Variants in TPX2 observed in about 807,000 individuals in gnomAD.
TPX2 encodes the protein targeting protein for Xklp2.
Under a neutral mutation model 93.6 loss-of-function variants are expected in TPX2, and 21 were observed. That is an observed-to-expected ratio of 0.22 (90% CI 0.16 to 0.32). TPX2 has a LOEUF of 0.32. Ranked by LOEUF, TPX2 falls within the 10% of genes least tolerant of loss-of-function variation. The pLI, the probability that TPX2 is intolerant of heterozygous loss-of-function variation, is 1.00. For synonymous variants in TPX2, 281 were observed against 298.3 expected, an observed-to-expected ratio of 0.94 and a Z score of 0.60; for missense variants, 776 against 871.1, an observed-to-expected ratio of 0.89 and a Z score of 1.37.
intron 8 of TPX2, among the ~76,000 whole-genome samples, chr20:31,776,327 G>T (rs1405020714): frequency 6.6e-6 from 1 of 151,486 alleles, no homozygotes; most frequent in Non-Finnish European, 1.5e-5. Context: ...TGATCCACCC[G>T]CCTCGGCCTC....
At chr20:31,793,772 T>C in intron 13 of TPX2, 76 bp from the exon 14 acceptor site, 1 of 1,348,618 alleles carries the variant, frequency 7.4e-7, no homozygotes, top group Non-Finnish European at 1.0e-6. Flanking sequence ...ATTAATATAA[T>C]GTCTTCTGAC....
intron 7 of TPX2, among the ~76,000 whole-genome samples, chr20:31,774,503 C>T (rs926026028): frequency 6.6e-6 from 1 of 152,008 alleles, no homozygotes; most frequent in African/African-American, 2.4e-5. Context: ...CTGTGTTGAA[C>T]ATTACCATGT....
rs11465034 is a variant in TPX2 at position 31,744,159 on chromosome 20, CTTTTTT to C, written c.-71+1527_-71+1532del. ...TAAAAACTTTTGTTAATTTTTTTAA[CTTTTTT>C]TTTTTTTTTTTTTTGAGTCGGAGTC... On this transcript the variant is annotated intron_variant, in intron 2 of 17. Coordinates refer to ENST00000300403, the MANE Select transcript of TPX2 (RefSeq NM_012112.5). 3.6e-5 allele frequency among the ~76,000 whole-genome samples: 4 copies of C among 112,270 alleles called. No individual in the cohort carries two copies. The East Asian group carries it at 6.5e-4, about 18-fold the overall frequency. 73.7% of individuals were successfully genotyped at this position (112,270 alleles called of 152,430 possible). A position where few individuals can be genotyped will look rare whatever the true frequency, so the allele number is the denominator to read the frequency against.
intron 11 of TPX2, among the ~76,000 whole-genome samples, chr20:31,782,889 T>TACACAC (rs71926112): frequency 0.011 from 1,561 of 142,640 alleles, 18 homozygotes; most frequent in African/African-American, 0.032. Context: ...CATACACACA[T>TACACAC]ACACACACAC....
chr20:31,792,061 GA>G (rs1197113459), intron 12 of TPX2, among the ~76,000 whole-genome samples: 1 of 152,166 alleles, frequency 6.6e-6, no homozygotes, highest in Non-Finnish European at 1.5e-5. Context: ...AATCATTAAG[GA>G]AAAATCTTCA....
At chr20:31,741,805 G>C (rs148521314) in intron 1 of TPX2, among the ~76,000 whole-genome samples, 1,638 of 151,280 alleles carry the variant, frequency 0.011, 17 homozygotes, top group African/African-American at 0.038. Flanking sequence ...AGTAGATACA[G>C]GGTTTCACCA....
At chr20:31,763,709 AATTTAAATTTAATTT>A (rs1289062302) in intron 4 of TPX2, among the ~76,000 whole-genome samples, 4 of 143,262 alleles carry the variant, frequency 2.8e-5, no homozygotes, top group Middle Eastern at 3.4e-3. Flanking sequence ...AATTTAATTT[AATTTAAATTTAATTT>A]TTTTTTTTTT....
intron 2 of TPX2, among the ~76,000 whole-genome samples, chr20:31,748,028 A>G (rs993750163): frequency 1.3e-5 from 2 of 151,940 alleles, no homozygotes; most frequent in Non-Finnish European, 2.9e-5. Context: ...CGTTTTCTTG[A>G]TGTACTTGTC....
chr20:31,746,943 C>T lies in TPX2; in HGVS notation c.-71+4296C>T, dbSNP rs552035663. ...AGCTTGTAGAACTCCGCAGGTCTGT[C>T]TGTATCTTTTAAGTATTTTTTACAT... On this transcript the variant is annotated intron_variant, in intron 2 of 17. Transcript: ENST00000300403. Among the ~76,000 whole-genome samples the T allele has an allele frequency of 4.0e-4, 61 of 152,294 alleles. 1 individual carries two copies. Among genetic ancestry groups the T allele is most frequent in the Middle Eastern group, 6.8e-3 (2 of 294 alleles).
chr20:31,796,404 A>T (rs1488999315), intron 15 of TPX2, among the ~76,000 whole-genome samples: 1 of 152,254 alleles, frequency 6.6e-6, no homozygotes, highest in Admixed American at 6.5e-5. Context: ...AAAGATTAAA[A>T]ATAATCAAAT....
intron 9 of TPX2, 102 bp downstream of exon 9, chr20:31,777,740 AAAAC>A: frequency 8.0e-7 from 1 of 1,253,642 alleles, no homozygotes; most frequent in African/African-American, 1.5e-5. Context: ...ATTGAGAAAA[AAAAC>A]CTTGTGTCTA....
intron 2 of TPX2, among the ~76,000 whole-genome samples, chr20:31,754,043 A>G (rs1034516648): frequency 1.3e-5 from 2 of 151,962 alleles, no homozygotes; most frequent in Non-Finnish European, 2.9e-5. Flanking sequence ...ACAAAACAAA[A>G]ACAACAACAA....
At chr20:31,776,371 C>T (rs1435820038) in intron 8 of TPX2, among the ~76,000 whole-genome samples, 1 of 151,774 alleles carries the variant, frequency 6.6e-6, no homozygotes, top group African/African-American at 2.4e-5. Context: ...TGAGCCACCG[C>T]ACCCGGCCAG....
intron 6 of TPX2, among the ~76,000 whole-genome samples, chr20:31,771,338 G>GTTA (rs1462601197): frequency 6.6e-6 from 1 of 152,130 alleles, no homozygotes; most frequent in Non-Finnish European, 1.5e-5. Context: ...ACCACCACTA[G>GTTA]ATAACTCTTA....
intron 7 of TPX2, among the ~76,000 whole-genome samples, chr20:31,773,787 T>C (rs1216978559): frequency 6.6e-6 from 1 of 152,210 alleles, no homozygotes; most frequent in South Asian, 2.1e-4. Context: ...GATTCATGAC[T>C]ACAATTTGGA....
rs755116339 is a variant in TPX2, at chr20:31,798,367, G to A, written c.1948G>A (p.Gly650Ser). Residue 650 changes from glycine to serine, a missense_variant and splice_region_variant, in exon 17 of 18, where the codon GGC becomes AGC. By Grantham distance (56) the Gly-to-Ser change is moderately conservative. Transcript: ENST00000300403. ...ATTTTTTCTGTTTCTGTACTTAGAG[G>A]GCCTTTCTGGTTCTCTAGTTCAGGA... is the stretch of plus-strand genomic sequence containing the variant. ...PKKEKKSVAE[G>S]LSGSLVQEPF... is the part of the protein sequence containing the mutation. 6.8e-6 allele frequency: 11 copies of A among 1,613,904 alleles called. No individual in the cohort carries two copies. Among genetic ancestry groups the A allele is most frequent in the Non-Finnish European group, 9.3e-6 (11 of 1,179,978 alleles).
chr20:31,774,146 G>A (rs995737629), intron 7 of TPX2, among the ~76,000 whole-genome samples: 2 of 152,154 alleles, frequency 1.3e-5, no homozygotes, highest in East Asian at 3.9e-4. Context: ...TGGGATTACA[G>A]GCATGAGCCA....
chr20:31,750,381 T>G (rs2061811320), intron 2 of TPX2, among the ~76,000 whole-genome samples: 1 of 152,268 alleles, frequency 6.6e-6, no homozygotes, highest in African/African-American at 2.4e-5. Flanking sequence ...CTCGAACTCC[T>G]GACCTCAGGC....
intron 3 of TPX2, among the ~76,000 whole-genome samples, chr20:31,758,021 T>C (rs1179429044): frequency 6.6e-6 from 1 of 152,218 alleles, no homozygotes; most frequent in Non-Finnish European, 1.5e-5. Context: ...TTAAGTTCTC[T>C]GTGGTTTTAT....
Sources: gnomAD v4.1 joint callset for allele counts (sites outside exome capture counted in the v4.1 genomes callset) on GRCh38, gnomAD v4.1.1 for gene constraint, MANE v1.5 for transcripts, NCBI Gene and HGNC (gene_info 2026-07-23, HGNC 2026-07-21) for gene names.